MELK: variants seen among roughly 807,000 people sequenced by gnomAD.
MELK encodes maternal embryonic leucine zipper kinase, also known as pEg3 kinase.
Under a neutral mutation model 85.0 loss-of-function variants are expected in MELK, and 81 were observed. The ratio of observed to expected loss-of-function variants is 0.95; its 90% CI spans 0.80 to 1.15. MELK has a LOEUF of 1.15. Ranked by LOEUF, MELK falls within the 50% of genes most tolerant of loss-of-function variation. The probability of loss-of-function intolerance (pLI) is 0.00; values close to 1 mark genes in which losing one functional copy is unlikely to be tolerated. For missense variants in MELK, 754 were observed against 777.5 expected (o/e 0.97, Z 0.36); for synonymous variants, 252 against 265.0 (o/e 0.95, Z 0.48).
At chr9:36,640,917 G>A (rs899113400) in intron 10 of MELK, among the ~76,000 whole-genome samples, 1 of 152,202 alleles carries the variant, frequency 6.6e-6, no homozygotes, top group Non-Finnish European at 1.5e-5. Context: ...TTTCATGATG[G>A]CAGCCTTTCT....
chr9:36,615,446 A>AC (rs1171195349), intron 8 of MELK, among the ~76,000 whole-genome samples: 16 of 93,886 alleles, frequency 1.7e-4, no homozygotes, highest in South Asian at 4.2e-4. Flanking sequence ...CGGGGGGCTG[A>AC]CCCCCCCACC....
intron 4 of MELK, among the ~76,000 whole-genome samples, chr9:36,592,921 A>G (rs1210375115): frequency 6.6e-6 from 1 of 152,150 alleles, no homozygotes; most frequent in Non-Finnish European, 1.5e-5. Flanking sequence ...AGTTTTCTCC[A>G]GCCCTTTTGA....
intron 7 of MELK, among the ~76,000 whole-genome samples, chr9:36,602,487 C>CAAAAAAAA (rs765623860): frequency 2.4e-5 from 1 of 41,372 alleles, no homozygotes; most frequent in African/African-American, 8.7e-5. Context: ...AAGACTGTCT[C>CAAAAAAAA]AAAAAAAAAA....
At chr9:36,670,698 G>A (rs184995147) in intron 15 of MELK, among the ~76,000 whole-genome samples, 409 of 151,718 alleles carry the variant, frequency 2.7e-3, no homozygotes, top group Non-Finnish European at 2.6e-3. Context: ...GGATATACCG[G>A]TGTTCATTGT....
At chr9:36,641,672 A>G (rs1829770895) in intron 10 of MELK, among the ~76,000 whole-genome samples, 2 of 138,900 alleles carry the variant, frequency 1.4e-5, no homozygotes. Context: ...CAATGGCTTG[A>G]TCTCAGCTCC....
chr9:36,604,656 T>C (rs1825299921), intron 7 of MELK, among the ~76,000 whole-genome samples: 1 of 151,472 alleles, frequency 6.6e-6, no homozygotes, highest in South Asian at 2.1e-4. Context: ...CCTGACCCTT[T>C]TTTTTGAGAC....
intron 15 of MELK, 88 bp downstream of exon 15, chr9:36,669,494 A>G (rs1392271728): frequency 2.2e-6 from 2 of 899,710 alleles, no homozygotes; most frequent in Non-Finnish European, 3.3e-6. Flanking sequence ...ATTAAGGTAA[A>G]TCATCACATA....
At chr9:36,658,757 A>G (rs1831500896) in intron 13 of MELK, among the ~76,000 whole-genome samples, 1 of 151,496 alleles carries the variant, frequency 6.6e-6, no homozygotes, top group South Asian at 2.1e-4. Flanking sequence ...GCTGGAGCGC[A>G]TTGTTGGGAT....
At chr9:36,654,879 T>C (rs1364775856) in intron 12 of MELK, among the ~76,000 whole-genome samples, 1 of 152,208 alleles carries the variant, frequency 6.6e-6, no homozygotes, top group Non-Finnish European at 1.5e-5. Flanking sequence ...AAATTTTGGG[T>C]TCGCTTCTAA....
intron 4 of MELK, among the ~76,000 whole-genome samples, chr9:36,592,620 T>C (rs1253669038): frequency 6.6e-6 from 1 of 152,158 alleles, no homozygotes; most frequent in African/African-American, 2.4e-5. Context: ...GGTCACAAAT[T>C]ATTACTTTGC....
intron 8 of MELK, among the ~76,000 whole-genome samples, chr9:36,615,530 C>T (rs763809756): frequency 0.09 from 11,420 of 126,200 alleles, 460 homozygotes; most frequent in African/African-American, 0.13. Context: ...GGGTGGCTGC[C>T]GGGCGGAGAC....
chr9:36,615,374 A>T (rs1201219551), intron 8 of MELK, among the ~76,000 whole-genome samples: 1 of 93,288 alleles, frequency 1.1e-5, no homozygotes, highest in Non-Finnish European at 2.0e-5. Context: ...CCCGGTCGGC[A>T]CGGCTGGCCG....
chr9:36,592,505 A>G (rs1381236433), intron 4 of MELK, among the ~76,000 whole-genome samples: 1 of 151,954 alleles, frequency 6.6e-6, no homozygotes, highest in Non-Finnish European at 1.5e-5. Context: ...TGAGCCATTC[A>G]TGTACTTTTC....
chr9:36,665,432 T>C lies in MELK; in HGVS notation c.1259T>C (p.Leu420Ser). 4.3e-6 allele frequency: 7 copies of C among 1,613,522 alleles called. No homozygotes were observed. The highest frequency in any genetic ancestry group is 5.9e-6 in the Non-Finnish European group (7 of 1,179,618). ...TTATGCAGAACACCTGCAAATAAAT[T>C]AAAGAACAAAGAAAATGTATATACT... is the stretch of plus-strand genomic sequence containing the variant. ...PALCRTPANK[L>S]KNKENVYTPK... The change falls in exon 14 of 18, where the codon TTA becomes TCA. Residue 420 changes from leucine (L) to serine (S), a missense_variant. By Grantham distance (145) the Leu-to-Ser change is moderately radical (BLOSUM62 -2). Transcript: ENST00000298048.
chr9:36,638,567 G>T (rs1829431705), intron 10 of MELK, among the ~76,000 whole-genome samples: 1 of 152,098 alleles, frequency 6.6e-6, no homozygotes, highest in Non-Finnish European at 1.5e-5. Flanking sequence ...TTACAGATGT[G>T]AGCCACCATG....
intron 7 of MELK, among the ~76,000 whole-genome samples, chr9:36,605,922 C>T (rs976547563): frequency 6.7e-6 from 1 of 149,620 alleles, no homozygotes; most frequent in African/African-American, 2.5e-5. Context: ...CACTGCACCC[C>T]AGCCTAGGCA....
intron 13 of MELK, among the ~76,000 whole-genome samples, chr9:36,660,824 T>A (rs1831734552): frequency 6.6e-6 from 1 of 151,878 alleles, no homozygotes; most frequent in Admixed American, 6.6e-5. Context: ...AAACCCCGTC[T>A]CTACTAAAAA....
At chr9:36,655,170 T>C (rs1831113087) in intron 12 of MELK, among the ~76,000 whole-genome samples, 1 of 152,206 alleles carries the variant, frequency 6.6e-6, no homozygotes, top group South Asian at 2.1e-4. Context: ...ATACTTGTTC[T>C]CTAAGAGTCA....
chr9:36,585,172 A>C (rs893259567), intron 3 of MELK, among the ~76,000 whole-genome samples: 7 of 152,078 alleles, frequency 4.6e-5, no homozygotes, highest in Admixed American at 4.6e-4. Flanking sequence ...GCTACAATGT[A>C]TAAAAAGTTA....
Sources: gnomAD v4.1 joint callset for allele counts (sites outside exome capture counted in the v4.1 genomes callset) on GRCh38, gnomAD v4.1.1 for gene constraint, MANE v1.5 for transcripts, NCBI Gene and HGNC (gene_info 2026-07-23, HGNC 2026-07-21) for gene names.